Variants in APOB observed in about 807,000 individuals in gnomAD.
APOB encodes the protein apolipoprotein B, also known as apolipoprotein B-100.
In APOB, 153 loss-of-function variants were observed where a neutral mutation model predicts 314.1. The observed-to-expected ratio is 0.49, with a 90% confidence interval of 0.43 to 0.56. The LOEUF (loss-of-function observed/expected upper bound fraction) is 0.56. APOB is among the 20% of genes least tolerant of loss of function. The probability of loss-of-function intolerance (pLI) is 0.00; values close to 1 mark genes in which losing one functional copy is unlikely to be tolerated. For synonymous variants in APOB, 2,087 were observed against 2,036.4 expected, an observed-to-expected ratio of 1.02 and a Z score of -0.67; for missense variants, 5,430 against 5,350.7, an observed-to-expected ratio of 1.01 and a Z score of -0.46.
rs150713761 is a variant in APOB at position 21,004,391 on chromosome 2, G to A, written c.11965C>T (p.Arg3989Cys). 57 of 1,614,012 alleles carry A rather than the reference G, an allele frequency of 3.5e-5. No individual in the cohort carries two copies. The highest frequency in any genetic ancestry group is 2.9e-4 in the African/African-American group (22 of 75,022). Residue 3989 changes from arginine to cysteine, a missense_variant, in exon 28 of 29, where the codon CGC becomes TGC. This residue lies in a region of APOB where 3,281 missense variants were observed against 3,171.0 expected (regional missense o/e 1.03). Coordinates refer to ENST00000233242, the MANE Select transcript of APOB (RefSeq NM_000384.3). Reference protein sequence around the residue: ...KSPAFTDLHLRYQKDKKGIST... With the variant: ...KSPAFTDLHLCYQKDKKGIST... ...ATGCCTTTCTTGTCTTTCTGGTAGC[G>A]CAGATGGAGATCGGTGAACGCTGGG... is the stretch of plus-strand genomic sequence containing the variant.
At position 21,003,290 on chromosome 2, in the gene APOB, C is replaced by T; in HGVS notation, c.12132G>A (p.Arg4044=). The change falls in exon 29 of 29, where the codon AGG becomes AGA. Residue 4044 remains arginine (R), a synonymous_variant. Transcript: ENST00000233242. ...KKLTIFKTEL[R]VRESDEETQI... ...GAGTTTCCTCATCAGATTCCCGGAC[C>T]CTCAACTCAGTTTTGAATATGGTGA... is the stretch of plus-strand genomic sequence containing the variant. 1 of 1,613,758 alleles carries T rather than the reference C, an allele frequency of 6.2e-7. No individual in the cohort carries two copies. Among genetic ancestry groups the T allele is most frequent in the Admixed American group, 1.7e-5 (1 of 60,008 alleles).
rs559220333 is a variant in APOB, at chr2:21,012,002, A to G, written c.4866T>C (p.His1622=). Reference sequence around the variant, plus strand: ...AGATGTCAGCATTTAACTCAAGACCATGGGAATTTAGTGATCCAGAAAGCA... The same window carrying G: ...AGATGTCAGCATTTAACTCAAGACCGTGGGAATTTAGTGATCCAGAAAGCA... ...FSLLSGSLNS[H]GLELNADILG... is the part of the protein sequence containing the mutation. The change falls in exon 26 of 29, where the codon CAT becomes CAC. Residue 1622 remains histidine, a synonymous_variant. Transcript: ENST00000233242. 3.7e-6 allele frequency: 6 copies of G among 1,614,184 alleles called. No homozygotes were observed. The highest frequency in any genetic ancestry group is 2.2e-5 in the East Asian group (1 of 44,878).
At chr2:21,040,879 C>CA in intron 4 of APOB, 59 bp downstream of exon 4, 1 of 1,598,872 alleles carries the variant, frequency 6.3e-7, no homozygotes, top group East Asian at 2.2e-5. Flanking sequence ...TGCAAACACA[C>CA]AAGTTCATAC....
Position 21,019,823 on chromosome 2 carries a change from T to G in APOB, c.2899A>C (p.Lys967Gln). 1 of 1,614,126 alleles carries G rather than the reference T, an allele frequency of 6.2e-7. No homozygotes were observed. Among genetic ancestry groups the G allele is most frequent in the Non-Finnish European group, 8.5e-7 (1 of 1,180,012 alleles). The change falls in exon 19 of 29, where the codon AAG (lysine) becomes CAG (glutamine). Residue 967 changes from lysine (K) to glutamine (Q), a missense_variant. Lys to Gln is a moderately conservative substitution (Grantham distance 53, BLOSUM62 1). Around this residue, in one of 3 missense-constraint regions of APOB, gnomAD observed 2,085 missense variants for 2,079.7 expected, o/e 1.00. Transcript: ENST00000233242. ...IENRQSWSVC[K>Q]QVFPGLNYCT... ...TAATTCAGGCCAGGAAAGACTTGCT[T>G]GCAAACTGACCAGGACTGCCTGTTC...
chr2:21,007,225 C>A lies in APOB; in HGVS notation c.9643G>T (p.Ala3215Ser). 2.5e-6 allele frequency: 4 copies of A among 1,613,506 alleles called. No individual in the cohort carries two copies. The highest frequency in any genetic ancestry group is 2.5e-6 in the Non-Finnish European group (3 of 1,179,724). Residue 3215 changes from alanine to serine, a missense_variant, in exon 26 of 29, where the codon GCA (alanine) becomes TCA (serine). Physicochemically the swap from Ala to Ser is moderately conservative, Grantham distance 99. This residue lies in a region of APOB where 3,281 missense variants were observed against 3,171.0 expected (regional missense o/e 1.03). Coordinates refer to ENST00000233242, the MANE Select transcript of APOB (RefSeq NM_000384.3). ...DRHFEKNRNNALDFVTKSYNE... is the reference protein window; with the variant it reads ...DRHFEKNRNNSLDFVTKSYNE... ...TAGGATTTGGTGACAAAATCTAATG[C>A]ATTGTTTCTGTTTTTTTCAAAATGC...
intron 26 of APOB, 47 bp from the exon 27 acceptor site, chr2:21,004,722 C>T (rs72654413): frequency 1.4e-5 from 19 of 1,405,802 alleles, no homozygotes; most frequent in East Asian, 9.1e-5. Context: ...AACAGTAGGA[C>T]GTTGATGTTT....
rs1663102299 is a variant in APOB at position 21,005,492 on chromosome 2, A to G, written c.11376T>C (p.Pro3792=). The change falls in exon 26 of 29, where the codon CCT becomes CCC. Residue 3792 remains proline (P), a synonymous_variant. Transcript: ENST00000233242. ...AATATTTTGTTAACACATCAACTTCAGGGAATTTTACCTCGGGGAGTGTTG... is the reference window on the plus strand; with the variant it reads ...AATATTTTGTTAACACATCAACTTCGGGGAATTTTACCTCGGGGAGTGTTG... The part of the protein sequence containing the change: ...NLPTLPEVKF[P]EVDVLTKYSQ... The G allele has an allele frequency of 6.2e-7, 1 of 1,614,070 alleles. No homozygotes were observed. The highest frequency in any genetic ancestry group is 8.5e-7 in the Non-Finnish European group (1 of 1,179,970).
chr2:21,032,294 G>T lies in APOB; in HGVS notation c.1352+60C>A, dbSNP rs12714224. 4.0e-3 allele frequency: 5,749 copies of T among 1,439,188 alleles called. 39 individuals are homozygous for T. The Middle Eastern group carries it at 0.051, about 13-fold the overall frequency. The allele number at this position is 1,439,188 out of a possible 1,614,324, so 89.2% of individuals were successfully genotyped here. ...AGGGGTTCAGTTTTAATACAGAGAT[G>T]CACAGAGGTGCAAGATGTTCCTCTG... On this transcript the variant is annotated intron_variant, in intron 10 of 28. Coordinates refer to ENST00000233242, the MANE Select transcript of APOB (RefSeq NM_000384.3).
Position 21,022,910 on chromosome 2 carries a change from C to G in APOB, c.2737G>C (p.Ala913Pro). 6.2e-7 allele frequency: 1 copy of G among 1,614,170 alleles called. No individual in the cohort carries two copies. The highest frequency in any genetic ancestry group is 8.5e-7 in the Non-Finnish European group (1 of 1,180,026). The change falls in exon 18 of 29, where the codon GCT becomes CCT. Residue 913 changes from alanine to proline, a missense_variant. Ala to Pro is a conservative substitution (Grantham distance 27). This residue lies in a region of APOB where 2,085 missense variants were observed against 2,079.7 expected (regional missense o/e 1.00). Transcript: ENST00000233242. ...TNFFHESGLE[A>P]HVALKAGKLK... ...TTCCCAGCTTTTAGGGCAACATGAGCCTCCAGACCCGACTCGTGGAAGAAG... is the reference window on the plus strand; with the variant it reads ...TTCCCAGCTTTTAGGGCAACATGAGGCTCCAGACCCGACTCGTGGAAGAAG...
At chr2:21,004,723 G>A (rs746943227) in intron 26 of APOB, 48 bp from the exon 27 acceptor site, 59 of 1,399,812 alleles carry the variant, frequency 4.2e-5, no homozygotes, top group South Asian at 3.6e-4. Context: ...ACAGTAGGAC[G>A]TTGATGTTTT....
In APOB at chr2:21,006,776, A is replaced by G. The variant is rs1572779054; in HGVS notation, c.10092T>C (p.Ala3364=). The G allele has an allele frequency of 3.7e-6, 6 of 1,614,132 alleles. No individual in the cohort carries two copies. The highest frequency in any genetic ancestry group is 5.1e-6 in the Non-Finnish European group (6 of 1,179,976). The change falls in exon 26 of 29, where the codon GCT becomes GCC. Residue 3364 remains alanine, a synonymous_variant. Transcript: ENST00000233242. The part of the protein sequence containing the change: ...AELFNQSDIV[A]HLLSSSSSVI... ...CAGATGAAGATGAAGAAAGGAGATG[A>G]GCAACAATATCTGACTGGTTAAAAA...
chr2:21,038,150 C>G, intron 4 of APOB, 39 bp from the exon 5 acceptor site: 1 of 1,611,796 alleles, frequency 6.2e-7, no homozygotes, highest in Non-Finnish European at 8.5e-7. Context: ...ATGTCCTTCT[C>G]CATTACAACT....
rs768051007 is a variant in APOB, at chr2:21,007,236, T to C, written c.9632A>G (p.Asn3211Ser). 7 of 1,613,224 alleles carry C rather than the reference T, an allele frequency of 4.3e-6. No homozygotes were observed. In the East Asian group the frequency reaches 1.6e-4, roughly 36 times the overall value. The change falls in exon 26 of 29, where the codon AAC (asparagine) becomes AGC (serine). Residue 3211 changes from asparagine to serine, a missense_variant. Transcript: ENST00000233242. ...GACAAAATCTAATGCATTGTTTCTG[T>C]TTTTTTCAAAATGCCTGTCAAAGGA... ...IKSFDRHFEK[N>S]RNNALDFVTK...
rs1572793212 is a variant in APOB at position 21,023,416 on chromosome 2, G to A, written c.2604+109C>T. The stretch of plus-strand genomic sequence containing the variant: ...AAAATAATGAGGTGATTACAATGAT[G>A]AAGCATTTTGTCTTGAAGTGGAAAC... On this transcript the variant is annotated intron_variant, in intron 17 of 28. Coordinates refer to ENST00000233242, the MANE Select transcript of APOB (RefSeq NM_000384.3). 4 of 1,299,982 alleles carry A rather than the reference G, an allele frequency of 3.1e-6. No homozygotes were observed. In the East Asian group the frequency reaches 7.0e-5, roughly 23 times the overall value. The allele number at this position is 1,299,982 out of a possible 1,614,324, so 80.5% of individuals were successfully genotyped here.
intron 18 of APOB, among the ~76,000 whole-genome samples, chr2:21,022,337 T>G (rs988610355): frequency 2.0e-5 from 3 of 152,188 alleles, no homozygotes; most frequent in African/African-American, 7.2e-5. Context: ...AATCAATGGT[T>G]GAGGGTGCCA....
rs150312765 is a variant in APOB, at chr2:21,006,128, G to A, written c.10740C>T (p.Asn3580=). The A allele has an allele frequency of 4.6e-4, 741 of 1,613,806 alleles. No homozygotes were observed. The highest frequency in any genetic ancestry group is 6.1e-4 in the Non-Finnish European group (716 of 1,179,954). Residue 3580 remains asparagine, a synonymous_variant, in exon 26 of 29, where the codon AAC becomes AAT. Transcript: ENST00000233242. The stretch of plus-strand genomic sequence containing the variant: ...GGGTGGCTTTGCTTGTATGTTCTCC[G>A]TTGGTGAAAAAGAGGCCCTCTAGCT... ...HLQLEGLFFT[N]GEHTSKATLE...
rs760450832 is a variant in APOB at position 21,006,666 on chromosome 2, A to G, written c.10202T>C (p.Leu3401Pro). The change falls in exon 26 of 29, where the codon CTG (leucine) becomes CCG (proline). Residue 3401 changes from leucine to proline, a missense_variant. Physicochemically the swap from Leu to Pro is moderately conservative, Grantham distance 98 (BLOSUM62 -3). This residue lies in a region of APOB where 3,281 missense variants were observed against 3,171.0 expected (regional missense o/e 1.03). Coordinates refer to ENST00000233242, the MANE Select transcript of APOB (RefSeq NM_000384.3). ...RGLKLATALS[L>P]SNKFVEGSHN... is the part of the protein sequence containing the mutation. ...ACTACCCTCCACAAATTTGTTGCTCAGAGACAGAGCTGTGGCTAACTTCAA... is the reference window on the plus strand; with the variant it reads ...ACTACCCTCCACAAATTTGTTGCTCGGAGACAGAGCTGTGGCTAACTTCAA... 6 of 1,614,096 alleles carry G rather than the reference A, an allele frequency of 3.7e-6. No individual in the cohort carries two copies. Among genetic ancestry groups the G allele is most frequent in the Non-Finnish European group, 5.1e-6 (6 of 1,179,974 alleles).
In APOB at chr2:21,002,522, C is replaced by T; in HGVS notation, c.12900G>A (p.Gln4300=). 1 of 1,613,636 alleles carries T rather than the reference C, an allele frequency of 6.2e-7. No homozygotes were observed. Among genetic ancestry groups the T allele is most frequent in the Admixed American group, 1.7e-5 (1 of 60,004 alleles). Residue 4300 remains glutamine (Q), a synonymous_variant, in exon 29 of 29, where the codon CAG becomes CAA. Transcript: ENST00000233242. ...GTTGGAAAATGAATTGTAAAAGGTC[C>T]TGAAGATTACGTAGCACCTCTGTGG... is the stretch of plus-strand genomic sequence containing the variant. ...LKTTEVLRNL[Q]DLLQFIFQLI...
chr2:21,031,053 A>G (rs573695956), intron 10 of APOB, among the ~76,000 whole-genome samples: 1 of 152,378 alleles, frequency 6.6e-6, no homozygotes, highest in Admixed American at 6.5e-5. Flanking sequence ...GAGATTTCTC[A>G]AAGAACTAAA....
Sources: gnomAD v4.1 joint callset for allele counts (sites outside exome capture counted in the v4.1 genomes callset) on GRCh38, gnomAD v4.1.1 for gene constraint, gnomAD v4.1.1 regional missense constraint, MANE v1.5 for transcripts, NCBI Gene and HGNC (gene_info 2026-07-23, HGNC 2026-07-21) for gene names.